DNAJC8: variants seen among roughly 807,000 people sequenced by gnomAD.
The protein encoded by DNAJC8 is dnaJ homolog subfamily C member 8.
In DNAJC8, 24 loss-of-function variants were observed where a neutral mutation model predicts 43.2. That is an observed-to-expected ratio of 0.56 (90% confidence interval 0.40 to 0.78). DNAJC8 has a LOEUF of 0.78. Among genes scored for constraint, DNAJC8 ranks in the 30% least tolerant of loss-of-function variants. The pLI is 0.00. For synonymous variants in DNAJC8, 83 were observed against 98.0 expected, an observed-to-expected ratio of 0.85 and a Z score of 0.90; for missense variants, 207 against 299.4, an observed-to-expected ratio of 0.69 and a Z score of 2.28.
chr1:28,206,785 G>A (rs1342833382), intron 6 of DNAJC8, among the ~76,000 whole-genome samples: 2 of 152,134 alleles, frequency 1.3e-5, no homozygotes, highest in African/African-American at 4.8e-5. Flanking sequence ...TCAGACACTG[G>A]AGCAAAGAGT....
chr1:28,229,025 T>C lies in DNAJC8; in HGVS notation c.79-2A>G. 6.2e-7 allele frequency: 1 copy of C among 1,611,776 alleles called. No individual in the cohort carries two copies. The highest frequency in any genetic ancestry group is 2.2e-5 in the East Asian group (1 of 44,858). ...GTCTCTCTTCTCTATTTGTTTCACC[T>C]AAAATTATGAGGATTAAAAACTTCA... On this transcript the variant is annotated splice_acceptor_variant, in intron 1 of 8. Coordinates refer to ENST00000263697, the MANE Select transcript of DNAJC8 (RefSeq NM_014280.3). LOFTEE classifies it high-confidence loss of function.
chr1:28,224,981 G>A (rs2149023517), intron 2 of DNAJC8, among the ~76,000 whole-genome samples: 1 of 151,166 alleles, frequency 6.6e-6, no homozygotes, highest in South Asian at 2.1e-4. Context: ...TGAGCCCAGA[G>A]CCCAGGAGTT....
intron 2 of DNAJC8, among the ~76,000 whole-genome samples, chr1:28,225,162 G>T (rs1006066309): frequency 1.3e-4 from 19 of 151,222 alleles, no homozygotes; most frequent in African/African-American, 4.6e-4. Flanking sequence ...TTTGAATGGG[G>T]TCTGATGATT....
At chr1:28,202,343 G>C (rs1352102067) in intron 8 of DNAJC8, among the ~76,000 whole-genome samples, 1 of 150,280 alleles carries the variant, frequency 6.7e-6, no homozygotes, top group Non-Finnish European at 1.5e-5. Flanking sequence ...GCAGTGGTGC[G>C]ATCTCGGCTC....
rs1399455435 is a variant in DNAJC8, at chr1:28,232,993, C to T, written c.6G>A (p.Ala2=). The T allele has an allele frequency of 1.2e-6, 2 of 1,612,018 alleles. No homozygotes were observed. Among genetic ancestry groups the T allele is most frequent in the Admixed American group, 1.7e-5 (1 of 59,976 alleles). Residue 2 remains alanine (A), a synonymous_variant, in exon 1 of 9, where the codon GCG becomes GCA. Coordinates refer to ENST00000263697, the MANE Select transcript of DNAJC8 (RefSeq NM_014280.3). M[A]ASGESGTSGG... ...CTGAAGTCCCGCTCTCTCCTGAAGC[C>T]GCCATTTCCCCGGCCCAGCCACCAC...
Position 28,217,748 on chromosome 1 carries a change from C to CA in DNAJC8, c.181-2753dup, listed in dbSNP as rs548478304. 9.4e-4 allele frequency among the ~76,000 whole-genome samples: 143 copies of CA among 151,780 alleles called. 2 individuals carry two copies. The Middle Eastern group carries it at 0.014, about 14-fold the overall frequency. On this transcript the variant is annotated intron_variant, in intron 2 of 8. Transcript: ENST00000263697. ...AAGAACAGAAATTGTCCCACCCTCA[C>CA]AAAAAAAGCCTCTGATGAGGTTATA...
intron 6 of DNAJC8, among the ~76,000 whole-genome samples, chr1:28,206,858 G>C (rs1019078053): frequency 4.6e-5 from 7 of 152,216 alleles, no homozygotes; most frequent in African/African-American, 1.7e-4. Context: ...CTTTTATCCT[G>C]TTACCTGCTA....
rs1218397581 is a variant in DNAJC8, at chr1:28,209,658, T to C, written c.399+314A>G. On this transcript the variant is annotated intron_variant, in intron 5 of 8. Coordinates refer to ENST00000263697, the MANE Select transcript of DNAJC8 (RefSeq NM_014280.3). ...GTCAAGAGTCACAGGCTGCTCCACG[T>C]TTCCACTCTAAGAATGGGGTAAGTG... Among the ~76,000 whole-genome samples the C allele has an allele frequency of 2.0e-5, 3 of 152,306 alleles. No individual in the cohort carries two copies. The East Asian group carries it at 5.8e-4, about 29-fold the overall frequency.
chr1:28,212,168 AATATATATATATATATATATAT>A (rs201782610), intron 3 of DNAJC8, among the ~76,000 whole-genome samples: 665 of 31,040 alleles, frequency 0.021, 30 homozygotes, highest in African/African-American at 0.056. Context: ...TAAATAAATA[AATATATATATATATATATATAT>A]ATATATATAT....
chr1:28,215,049 T>A (rs1646841655), intron 2 of DNAJC8, 53 bp from the exon 3 acceptor site: 3 of 1,439,530 alleles, frequency 2.1e-6, no homozygotes, highest in Non-Finnish European at 2.9e-6. Context: ...ATTACATGTA[T>A]ATTTAAGAGT....
intron 3 of DNAJC8, among the ~76,000 whole-genome samples, chr1:28,212,135 G>A (rs1284741406): frequency 1.5e-5 from 2 of 136,382 alleles, no homozygotes; most frequent in East Asian, 2.2e-4. Flanking sequence ...CAACCTGGGT[G>A]ACAGAGCCGG....
At chr1:28,221,051 G>A (rs2149021692) in intron 2 of DNAJC8, among the ~76,000 whole-genome samples, 1 of 151,592 alleles carries the variant, frequency 6.6e-6, no homozygotes, top group African/African-American at 2.4e-5. Flanking sequence ...CTTGAAAAAG[G>A]AATCCAGGCT....
chr1:28,204,481 G>A (rs971168341), intron 7 of DNAJC8, among the ~76,000 whole-genome samples: 5 of 152,096 alleles, frequency 3.3e-5, no homozygotes, highest in African/African-American at 9.7e-5. Context: ...AGGTTGCAGT[G>A]AGCCAAGATC....
At chr1:28,215,060 T>C in intron 2 of DNAJC8, 64 bp from the exon 3 acceptor site, 2 of 1,354,810 alleles carry the variant, frequency 1.5e-6, no homozygotes, top group East Asian at 2.5e-5. Context: ...ATTTAAGAGT[T>C]GCTCAGTAAT....
Position 28,202,592 on chromosome 1 carries a change from T to C in DNAJC8, c.639+1155A>G, listed in dbSNP as rs1386987779. Among the ~76,000 whole-genome samples the C allele has an allele frequency of 2.5e-4, 34 of 138,094 alleles. 1 individual carries two copies. Among genetic ancestry groups the C allele is most frequent in the South Asian group, 2.1e-3 (9 of 4,222 alleles). 90.6% of individuals were successfully genotyped at this position (138,094 alleles called of 152,430 possible). On this transcript the variant is annotated intron_variant, in intron 8 of 8. Coordinates refer to ENST00000263697, the MANE Select transcript of DNAJC8 (RefSeq NM_014280.3). ...CCTCACCCGGCCTTTTTTTTTCTTTTTTTTTTTTTTTTTGAGACGGCTCTG... is the reference window on the plus strand; with the variant it reads ...CCTCACCCGGCCTTTTTTTTTCTTTCTTTTTTTTTTTTTGAGACGGCTCTG...
chr1:28,223,308 G>A (rs1646911514), intron 2 of DNAJC8, among the ~76,000 whole-genome samples: 2 of 152,164 alleles, frequency 1.3e-5, no homozygotes, highest in African/African-American at 2.4e-5. Context: ...TACTCAGCGG[G>A]GAGGATCAGT....
chr1:28,227,536 A>C (rs1459905105), intron 2 of DNAJC8, among the ~76,000 whole-genome samples: 3 of 142,632 alleles, frequency 2.1e-5, no homozygotes, highest in Non-Finnish European at 4.7e-5. Flanking sequence ...AGGGTGCAGT[A>C]AGCCATGATT....
At chr1:28,207,720 G>C (rs988514058) in intron 6 of DNAJC8, among the ~76,000 whole-genome samples, 1 of 151,338 alleles carries the variant, frequency 6.6e-6, no homozygotes, top group Non-Finnish European at 1.5e-5. Context: ...GGGATTACAG[G>C]CGTGAGCCAC....
At chr1:28,219,205 TA>T (rs892031134) in intron 2 of DNAJC8, among the ~76,000 whole-genome samples, 108 of 145,866 alleles carry the variant, frequency 7.4e-4, no homozygotes, top group Admixed American at 6.2e-4. Context: ...GTTCTTGAGT[TA>T]AAAAAAAAAA....
Sources: gnomAD v4.1 joint callset for allele counts (sites outside exome capture counted in the v4.1 genomes callset) on GRCh38, gnomAD v4.1.1 for gene constraint, MANE v1.5 for transcripts, NCBI Gene and HGNC (gene_info 2026-07-23, HGNC 2026-07-21) for gene names.